RIC1: variants seen among roughly 807,000 people sequenced by gnomAD.
RIC1 encodes the protein RIC1 partner of RAB6A GEF complex, also known as guanine nucleotide exchange factor subunit RIC1.
Under a neutral mutation model 169.0 loss-of-function variants are expected in RIC1, and 88 were observed. The ratio of observed to expected loss-of-function variants is 0.52; its 90% CI spans 0.44 to 0.62. RIC1 has a LOEUF of 0.62. Among genes scored for constraint, RIC1 ranks in the 20% least tolerant of loss-of-function variants. The pLI is 0.00. For synonymous variants in RIC1, 790 were observed against 601.5 expected (o/e 1.31, Z -4.59); for missense variants, 1,877 against 1,725.5 (o/e 1.09, Z -1.56).
At chr9:5,706,421 C>A (rs1448576365) in intron 3 of RIC1, among the ~76,000 whole-genome samples, 1 of 152,064 alleles carries the variant, frequency 6.6e-6, no homozygotes, top group Non-Finnish European at 1.5e-5. Flanking sequence ...CACTGCACTC[C>A]AGCCTAGCGA....
At chr9:5,755,496 C>T (rs978136725) in intron 15 of RIC1, among the ~76,000 whole-genome samples, 2 of 152,194 alleles carry the variant, frequency 1.3e-5, no homozygotes, top group African/African-American at 2.4e-5. Context: ...GTATACTGTA[C>T]TCACCTATTT....
chr9:5,630,103 C>T (rs1817646778), intron 1 of RIC1, among the ~76,000 whole-genome samples: 1 of 152,216 alleles, frequency 6.6e-6, no homozygotes, highest in Non-Finnish European at 1.5e-5. Flanking sequence ...GAACTCAAAT[C>T]TGTCCGCGGA....
chr9:5,693,539 T>G (rs957008837), intron 3 of RIC1, among the ~76,000 whole-genome samples: 1 of 152,176 alleles, frequency 6.6e-6, no homozygotes, highest in Admixed American at 6.5e-5. Context: ...CATTGTATAT[T>G]ACATTATCTC....
At position 5,646,157 on chromosome 9, in the gene RIC1, A is replaced by G. The variant is rs192046396; in HGVS notation, c.145-10426A>G. ...GTGGTATGTCATGGTTTTGGTTTGC[A>G]TTTTCCTAATGGTTATTAATGTCGA... On this transcript the variant is annotated intron_variant, in intron 1 of 25. Coordinates refer to ENST00000414202, the MANE Select transcript of RIC1 (RefSeq NM_020829.4). Among the ~76,000 whole-genome samples the G allele has an allele frequency of 4.3e-4, 65 of 151,858 alleles. No individual in the cohort carries two copies. In the Middle Eastern group the frequency reaches 0.01, roughly 24 times the overall value.
chr9:5,684,658 C>T (rs896840399), intron 2 of RIC1, among the ~76,000 whole-genome samples: 1 of 152,008 alleles, frequency 6.6e-6, no homozygotes, highest in African/African-American at 2.4e-5. Flanking sequence ...TGCAAATGAC[C>T]ATATCAAAAA....
chr9:5,692,842 C>G (rs1189038072), intron 3 of RIC1, among the ~76,000 whole-genome samples: 1 of 152,054 alleles, frequency 6.6e-6, no homozygotes, highest in African/African-American at 2.4e-5. Flanking sequence ...GTTTGAGACA[C>G]TGTTCTAAGC....
intron 2 of RIC1, among the ~76,000 whole-genome samples, chr9:5,688,698 C>A (rs1821406407): frequency 1.3e-5 from 2 of 152,238 alleles, no homozygotes; most frequent in South Asian, 4.1e-4. Flanking sequence ...CCTGGTTTTG[C>A]TGAAGAAACT....
At chr9:5,688,922 C>G (rs747414028) in intron 2 of RIC1, among the ~76,000 whole-genome samples, 1 of 151,496 alleles carries the variant, frequency 6.6e-6, no homozygotes, top group Non-Finnish European at 1.5e-5. Context: ...CTGGAAACAG[C>G]TAAATATAAT....
chr9:5,672,074 C>G (rs1820140655), intron 2 of RIC1, among the ~76,000 whole-genome samples: 1 of 152,164 alleles, frequency 6.6e-6, no homozygotes, highest in South Asian at 2.1e-4. Context: ...GGAAGCCGGC[C>G]CTTCTACTCA....
Position 5,707,970 on chromosome 9 carries a change from T to TTTG in RIC1, c.333-5908_333-5906dup, listed in dbSNP as rs527538748. Among the ~76,000 whole-genome samples the TTTG allele has an allele frequency of 1.9e-3, 287 of 152,180 alleles. 2 individuals are homozygous for TTTG. The East Asian group carries it at 0.041, about 21-fold the overall frequency. ...TCCTGGGTTCCTCCACTGCTGCCTTTTTGTTGTTGTTGTTGTTGTTTTTAT... is the reference window on the plus strand; with the variant it reads ...TCCTGGGTTCCTCCACTGCTGCCTTTTTGTTGTTGTTGTTGTTGTTGTTTTTAT... On this transcript the variant is annotated intron_variant, in intron 3 of 25. Transcript: ENST00000414202.
chr9:5,726,015 A>G (rs1433845935), intron 6 of RIC1, among the ~76,000 whole-genome samples: 1 of 152,190 alleles, frequency 6.6e-6, no homozygotes, highest in East Asian at 1.9e-4. Context: ...GGTGCTGAGA[A>G]GAATGTATAT....
chr9:5,770,251 G>A lies in RIC1; in HGVS notation c.3589G>A (p.Ala1197Thr), dbSNP rs1339876785. Residue 1197 changes from alanine to threonine, a missense_variant, in exon 23 of 26, where the codon GCC becomes ACC. Physicochemically the swap from Ala to Thr is moderately conservative, Grantham distance 58 (BLOSUM62 0). Around this residue, in one of 3 missense-constraint regions of RIC1, gnomAD observed 681 missense variants for 582.0 expected, o/e 1.17. Transcript: ENST00000414202. ...ATCCCATGGACCACAAATGCAAGAT[G>A]CCTTCTTGTCACCTTTATCTAATAA... ...ASSHGPQMQD[A>T]FLSPLSNKGD... 11 of 1,613,396 alleles carry A rather than the reference G, an allele frequency of 6.8e-6. No homozygotes were observed. The highest frequency in any genetic ancestry group is 9.3e-6 in the Non-Finnish European group (11 of 1,179,678).
At chr9:5,643,966 T>A (rs1292099605) in intron 1 of RIC1, among the ~76,000 whole-genome samples, 1 of 152,220 alleles carries the variant, frequency 6.6e-6, no homozygotes, top group Non-Finnish European at 1.5e-5. Context: ...GTCACAAATC[T>A]ACTGTCCCCC....
chr9:5,737,819 TTACAA>T (rs1824817435), intron 7 of RIC1, among the ~76,000 whole-genome samples: 1 of 151,202 alleles, frequency 6.6e-6, no homozygotes, highest in Non-Finnish European at 1.5e-5. Flanking sequence ...TATTGTATTC[TTACAA>T]TAAAGTAAGA....
chr9:5,731,133 A>G (rs1417213313), intron 6 of RIC1, among the ~76,000 whole-genome samples: 5 of 152,092 alleles, frequency 3.3e-5, no homozygotes, highest in Admixed American at 2.6e-4. Flanking sequence ...AGTATTCAAT[A>G]TACTTTTTTA....
chr9:5,750,010 C>T (rs1231412627), intron 12 of RIC1, among the ~76,000 whole-genome samples: 1 of 151,970 alleles, frequency 6.6e-6, no homozygotes, highest in African/African-American at 2.4e-5. Context: ...AACTCCTGAC[C>T]TTGTGATCCA....
chr9:5,721,981 CG>C (rs1164854817), intron 6 of RIC1, among the ~76,000 whole-genome samples: 2 of 151,516 alleles, frequency 1.3e-5, no homozygotes, highest in Non-Finnish European at 1.5e-5. Flanking sequence ...CTCCGCCTCT[CG>C]GGTTCAAGCG....
intron 1 of RIC1, among the ~76,000 whole-genome samples, chr9:5,637,250 A>G (rs1255660232): frequency 1.3e-5 from 2 of 151,228 alleles, no homozygotes; most frequent in East Asian, 1.9e-4. Context: ...GTAATTTTTT[A>G]TAGAGATGGG....
intron 19 of RIC1, among the ~76,000 whole-genome samples, chr9:5,764,848 A>T (rs1384672045): frequency 6.6e-6 from 1 of 152,232 alleles, no homozygotes; most frequent in Non-Finnish European, 1.5e-5. Flanking sequence ...GGATTGGCAG[A>T]TAATAATTAC....
Sources: allele counts gnomAD v4.1 joint callset (sites outside exome capture counted in the v4.1 genomes callset), GRCh38; gene constraint gnomAD v4.1.1; regional missense constraint gnomAD v4.1.1; transcripts MANE v1.5; gene names NCBI Gene and HGNC (gene_info 2026-07-23, HGNC 2026-07-21).